Variants in RSPO1 observed in about 807,000 individuals in gnomAD.
The protein encoded by RSPO1 is R-spondin 1, also known as R-spondin-1.
In RSPO1, 18 loss-of-function variants were observed where a neutral mutation model predicts 26.0. The observed-to-expected ratio is 0.69, with a 90% CI of 0.48 to 1.03. The LOEUF (loss-of-function observed/expected upper bound fraction) is 1.03. Among genes scored for constraint, RSPO1 ranks in the 50% least tolerant of loss-of-function variants. The pLI, the probability that RSPO1 is intolerant of heterozygous loss-of-function variation, is 0.00. For synonymous variants in RSPO1, 133 were observed against 137.4 expected, an observed-to-expected ratio of 0.97 and a Z score of 0.22; for missense variants, 309 against 352.3, an observed-to-expected ratio of 0.88 and a Z score of 0.98.
chr1:37,620,780 T>A (rs2148170031), intron 3 of RSPO1, among the ~76,000 whole-genome samples: 2 of 152,266 alleles, frequency 1.3e-5, no homozygotes, highest in Middle Eastern at 6.8e-3. Context: ...CTATTCTGGG[T>A]CTTTATTCAG....
Position 37,613,859 on chromosome 1 carries a change from C to A in RSPO1, c.470G>T (p.Gly157Val). 8.7e-6 allele frequency: 14 copies of A among 1,614,118 alleles called. No individual in the cohort carries two copies. Among genetic ancestry groups the A allele is most frequent in the Non-Finnish European group, 1.2e-5 (14 of 1,180,036 alleles). ...QCEMSEWSPW[G>V]PCSKKQQLCG... is the part of the protein sequence containing the mutation. ...GAGCTGCTGCTTCTTGGAGCAGGGC[C>A]CCCACGGAGACCACTCGCTCATTTC... The change falls in exon 6 of 7, where the codon GGG becomes GTG. Residue 157 changes from glycine to valine, a missense_variant. Coordinates refer to ENST00000356545, the MANE Select transcript of RSPO1 (RefSeq NM_001242908.2). The surrounding 1 kb of genome is among the most constrained non-coding windows in gnomAD (Gnocchi z 4.5).
chr1:37,632,506 A>G (rs111585632), intron 1 of RSPO1, among the ~76,000 whole-genome samples, 153 bp from the exon 2 acceptor site: 1 of 2,886 alleles, frequency 3.5e-4, no homozygotes, highest in Non-Finnish European at 1.6e-3. Flanking sequence ...CCTCTATACC[A>G]GGGGGTACAA....
intron 3 of RSPO1, among the ~76,000 whole-genome samples, chr1:37,625,758 A>C (rs1644266390): frequency 6.6e-6 from 1 of 150,990 alleles, no homozygotes; most frequent in Non-Finnish European, 1.5e-5. Flanking sequence ...AGTTCACTGC[A>C]ACCTCCGCCT....
At chr1:37,627,938 G>A (rs980473957) in intron 3 of RSPO1, among the ~76,000 whole-genome samples, 1 of 152,220 alleles carries the variant, frequency 6.6e-6, no homozygotes, top group East Asian at 1.9e-4. Context: ...TGCCACGGCT[G>A]TTAGATGTGG....
rs758725998 is a variant in RSPO1, at chr1:37,612,858, T to C, written c.689A>G (p.Lys230Arg). The C allele has an allele frequency of 6.2e-7, 1 of 1,614,090 alleles. No homozygotes were observed. The highest frequency in any genetic ancestry group is 1.1e-5 in the South Asian group (1 of 91,088). The stretch of plus-strand genomic sequence containing the variant: ...GCCAGCACCCGCCTCCTTGCTCTCC[T>C]TCCTGGCCAGGTTCCTGTTGGCATT... Reference protein sequence around the residue: ...RENANRNLARKESKEAGAGSR... With the variant: ...RENANRNLARRESKEAGAGSR... The change falls in exon 7 of 7, where the codon AAG becomes AGG. Residue 230 changes from lysine to arginine, a missense_variant. By Grantham distance (26) the Lys-to-Arg change is conservative. Coordinates refer to ENST00000356545, the MANE Select transcript of RSPO1 (RefSeq NM_001242908.2).
intron 3 of RSPO1, 66 bp downstream of exon 3, chr1:37,629,502 C>A: frequency 3.0e-6 from 4 of 1,338,828 alleles, no homozygotes; most frequent in Non-Finnish European, 4.3e-6. Context: ...CTGAAGACCC[C>A]TAGTTCCTGG....
rs765354881 is a variant in RSPO1, at chr1:37,614,233, A to G, written c.387T>C (p.Cys129=). The change falls in exon 5 of 7, where the codon TGT becomes TGC. Residue 129 remains cysteine, a synonymous_variant. Coordinates refer to ENST00000356545, the MANE Select transcript of RSPO1 (RefSeq NM_001242908.2). Reference sequence around the variant, plus strand: ...CATTGGCAGCTGAGGAGCCCTCGGGACAAGCTGGATAGCAGCGGCCCTTGT... The same window carrying G: ...CATTGGCAGCTGAGGAGCCCTCGGGGCAAGCTGGATAGCAGCGGCCCTTGT... ...YLHKGRCYPA[C]PEGSSAANGT... 1 of 1,613,488 alleles carries G rather than the reference A, an allele frequency of 6.2e-7. No homozygotes were observed. The highest frequency in any genetic ancestry group is 2.2e-5 in the East Asian group (1 of 44,872).
In RSPO1 at chr1:37,623,702, A is replaced by G. The variant is rs190374219; in HGVS notation, c.94+5866T>C. ...AGACCAGCTTGGGCAACATAGCAAG[A>G]CCCCACCTCAAAAGGAAAAAAAAAA... On this transcript the variant is annotated intron_variant, in intron 3 of 6. Coordinates refer to ENST00000356545, the MANE Select transcript of RSPO1 (RefSeq NM_001242908.2). Among the ~76,000 whole-genome samples the G allele has an allele frequency of 3.8e-3, 561 of 149,290 alleles. 3 individuals carry two copies. Among genetic ancestry groups the G allele is most frequent in the African/African-American group, 0.013 (528 of 40,340 alleles).
At position 37,618,047 on chromosome 1, in the gene RSPO1, G is replaced by A. The variant is rs578137762; in HGVS notation, c.95-1372C>T. ...ACTCAGGGAGCAGGACCACAGAGGT[G>A]TAAAACTAGGGAAAGGCAGAATTGC... On this transcript the variant is annotated intron_variant, in intron 3 of 6. Transcript: ENST00000356545. Among the ~76,000 whole-genome samples the A allele has an allele frequency of 7.9e-5, 12 of 152,342 alleles. No homozygotes were observed. The South Asian group carries it at 2.3e-3, about 29-fold the overall frequency.
At chr1:37,625,288 A>T (rs1353959819) in intron 3 of RSPO1, among the ~76,000 whole-genome samples, 3 of 152,240 alleles carry the variant, frequency 2.0e-5, no homozygotes, top group East Asian at 3.8e-4. Flanking sequence ...AATGAGACAG[A>T]GGCTTGAGAT....
intron 4 of RSPO1, 115 bp from the exon 5 acceptor site, chr1:37,614,448 C>A: frequency 8.3e-7 from 1 of 1,203,260 alleles, no homozygotes; most frequent in Non-Finnish European, 1.2e-6. Flanking sequence ...AGGGCAGGAC[C>A]CTGGCCTAGA....
At chr1:37,630,124 C>T (rs926927534) in intron 2 of RSPO1, among the ~76,000 whole-genome samples, 175 bp from the exon 3 acceptor site, 6 of 152,230 alleles carry the variant, frequency 3.9e-5, no homozygotes, top group African/African-American at 1.2e-4. Flanking sequence ...AATTCCCTAA[C>T]CTGGGACCGG....
chr1:37,618,698 A>G (rs1644154691), intron 3 of RSPO1, among the ~76,000 whole-genome samples: 1 of 152,158 alleles, frequency 6.6e-6, no homozygotes, highest in Non-Finnish European at 1.5e-5. Flanking sequence ...GGAAAGAGGC[A>G]TGGGGAGGAG....
At chr1:37,618,661 T>C (rs1644153884) in intron 3 of RSPO1, among the ~76,000 whole-genome samples, 1 of 152,126 alleles carries the variant, frequency 6.6e-6, no homozygotes, top group East Asian at 1.9e-4. Flanking sequence ...ATGCAACCAG[T>C]AGGCCATCGT....
intron 3 of RSPO1, among the ~76,000 whole-genome samples, chr1:37,621,509 A>C (rs1168598550): frequency 1.3e-5 from 2 of 152,104 alleles, no homozygotes; most frequent in Non-Finnish European, 2.9e-5. Context: ...AGGGTGATGC[A>C]TTCAACAAGA....
chr1:37,617,688 A>AAAAAAAAG (rs1553120745), intron 3 of RSPO1, among the ~76,000 whole-genome samples: 1 of 136,536 alleles, frequency 7.3e-6, no homozygotes, highest in Non-Finnish European at 1.6e-5. Flanking sequence ...AAAAAAAAAA[A>AAAAAAAAG]AGAGAGAACC....
intron 2 of RSPO1, among the ~76,000 whole-genome samples, chr1:37,630,891 T>C (rs1644351010): frequency 6.6e-6 from 1 of 152,174 alleles, no homozygotes; most frequent in Non-Finnish European, 1.5e-5. Context: ...AGAGTCTCTG[T>C]AGATGCCAGG....
intron 1 of RSPO1, 50 bp from the exon 2 acceptor site, chr1:37,632,403 A>T (rs1644371864): frequency 6.6e-6 from 1 of 152,268 alleles, no homozygotes; most frequent in Non-Finnish European, 1.5e-5. Flanking sequence ...GAAGCAAGTG[A>T]CACTGGCCTC....
Position 37,634,128 on chromosome 1 carries a change from C to G in RSPO1, c.-356+438G>C, listed in dbSNP as rs887563423. On this transcript the variant is annotated intron_variant, in intron 1 of 6. Coordinates refer to ENST00000356545, the MANE Select transcript of RSPO1 (RefSeq NM_001242908.2). The surrounding 1 kb of genome is among the most constrained non-coding windows in gnomAD (Gnocchi z 4.7). ...CACCGGGGGCCGCAGCGCATGCCGC[C>G]TGCCACGTCGAACCCAGGCCCAGGC... is the stretch of plus-strand genomic sequence containing the variant. Among the ~76,000 whole-genome samples, 1 of 152,180 alleles carries G rather than the reference C, an allele frequency of 6.6e-6. No individual in the cohort carries two copies. Among genetic ancestry groups the G allele is most frequent in the Non-Finnish European group, 1.5e-5 (1 of 68,036 alleles).
Sources: allele counts gnomAD v4.1 joint callset (sites outside exome capture counted in the v4.1 genomes callset), GRCh38; gene constraint gnomAD v4.1.1; non-coding constraint Gnocchi (gnomAD v3.1); transcripts MANE v1.5; gene names NCBI Gene and HGNC (gene_info 2026-07-23, HGNC 2026-07-21).